The following ZNF160 variants were observed in gnomAD, a reference collection of about 807,000 sequenced individuals.
ZNF160 encodes zinc finger protein 160.
Under a neutral mutation model 13.1 loss-of-function variants are expected in ZNF160, and 9 were observed. That is an observed-to-expected ratio of 0.69 (90% CI 0.41 to 1.20). The LOEUF (loss-of-function observed/expected upper bound fraction) is 1.20, where lower values mean the gene tolerates loss of function less well. Among genes scored for constraint, ZNF160 ranks in the 50% most tolerant of loss-of-function variants. The probability of loss-of-function intolerance (pLI) is 0.01; values close to 1 mark genes in which losing one functional copy is unlikely to be tolerated. For synonymous variants in ZNF160, 293 were observed against 333.2 expected (o/e 0.88, Z 1.31); for missense variants, 838 against 988.0 (o/e 0.85, Z 2.04).
chr19:53,072,375 T>C (rs1272469480), intron 5 of ZNF160, among the ~76,000 whole-genome samples: 2 of 152,188 alleles, frequency 1.3e-5, no homozygotes, highest in Admixed American at 6.5e-5. Flanking sequence ...GCTGGGATTA[T>C]AGGCGTGAGC....
chr19:53,074,669 C>CAAAAA, intron 4 of ZNF160, among the ~76,000 whole-genome samples: 1 of 123,432 alleles, frequency 8.1e-6, no homozygotes, highest in Non-Finnish European at 1.6e-5. Context: ...GACTCCGCCT[C>CAAAAA]AAAAAAAAAA....
At chr19:53,087,464 A>G (rs550680747) in intron 2 of ZNF160, among the ~76,000 whole-genome samples, 3 of 152,328 alleles carry the variant, frequency 2.0e-5, no homozygotes, top group East Asian at 3.9e-4. Context: ...GAGCCCCAGG[A>G]AGTACAGGGT....
At chr19:53,100,757 G>GGCCGAGACAGGT (rs1369959064) in intron 1 of ZNF160, among the ~76,000 whole-genome samples, 2 of 152,214 alleles carry the variant, frequency 1.3e-5, no homozygotes, top group East Asian at 1.9e-4. Flanking sequence ...CACTTTGGGA[G>GGCCGAGACAGGT]GGATCACTTG....
chr19:53,075,101 T>C lies in ZNF160; in HGVS notation c.98A>G (p.Tyr33Cys), dbSNP rs1284423838. The C allele has an allele frequency of 6.2e-7, 1 of 1,614,166 alleles. No homozygotes were observed. Among genetic ancestry groups the C allele is most frequent in the East Asian group, 2.2e-5 (1 of 44,876 alleles). ...GTAGTTCTCCAACATCACGTCCCTG[T>C]ATAAGATCCTCTGAGCAGGGTCCAG... The part of the protein sequence containing the change: ...KCLDPAQRIL[Y>C]RDVMLENYWN... The change falls in exon 4 of 6, where the codon TAC becomes TGC. Residue 33 changes from tyrosine (Y) to cysteine (C), a missense_variant. By Grantham distance (194) the Tyr-to-Cys change is radical. Coordinates refer to ENST00000683776, the MANE Select transcript of ZNF160 (RefSeq NM_001322131.2).
chr19:53,085,973 T>C, intron 3 of ZNF160: 2 of 1,265,964 alleles, frequency 1.6e-6, no homozygotes, highest in Non-Finnish European at 1.1e-6. Flanking sequence ...CCCTGAGCAA[T>C]CCCTGCTGCC....
At chr19:53,085,248 C>G (rs2084787240) in intron 3 of ZNF160, 1 of 982,572 alleles carries the variant, frequency 1.0e-6, no homozygotes, top group Non-Finnish European at 1.2e-6. Flanking sequence ...ATGTTCAAAA[C>G]TTGCAGGTTA....
intron 2 of ZNF160, among the ~76,000 whole-genome samples, chr19:53,088,061 GACTGAGCCATGAGC>G (rs1485399818): frequency 1.3e-5 from 2 of 152,300 alleles, no homozygotes; most frequent in African/African-American, 4.8e-5. Context: ...GAGGTGTAAG[GACTGAGCCATGAGC>G]ACTTGCACAT....
chr19:53,073,942 T>G (rs1375545993), intron 5 of ZNF160, among the ~76,000 whole-genome samples, 198 bp downstream of exon 5: 1 of 152,038 alleles, frequency 6.6e-6, no homozygotes, highest in Non-Finnish European at 1.5e-5. Flanking sequence ...CACGCCACCA[T>G]GCCCGGCTAA....
At chr19:53,078,337 G>C (rs759952837) in intron 3 of ZNF160, among the ~76,000 whole-genome samples, 2 of 152,154 alleles carry the variant, frequency 1.3e-5, no homozygotes, top group Non-Finnish European at 2.9e-5. Context: ...TTGAGCCTAG[G>C]AGGTTGAAGG....
At chr19:53,085,840 G>A in intron 3 of ZNF160, 1 of 498,144 alleles carries the variant, frequency 2.0e-6, no homozygotes, top group Admixed American at 3.4e-5. Flanking sequence ...TACCAATGAG[G>A]CAGGAAAGCT....
Position 53,069,216 on chromosome 19 carries a change from G to C in ZNF160, c.1318C>G (p.Leu440Val), listed in dbSNP as rs780383853. Residue 440 changes from leucine to valine, a missense_variant, in exon 6 of 6, where the codon CTC (leucine) becomes GTC (valine). By Grantham distance (32) the Leu-to-Val change is conservative (BLOSUM62 1). This residue lies in a region of ZNF160 where 400 missense variants were observed against 538.9 expected (regional missense o/e 0.74). Transcript: ENST00000683776. This position sits in a 1 kb window ranked among gnomAD's most constrained non-coding sequence, Gnocchi z 4.4. Reference protein sequence around the residue: ...CGKVFRYNSYLGRHRRVHTGE... With the variant: ...CGKVFRYNSYVGRHRRVHTGE... Reference sequence around the variant, plus strand: ...GTATGAACTCTCCGATGCCTTCCGAGGTATGAATTGTACCTAAAGACTTTG... The same window carrying C: ...GTATGAACTCTCCGATGCCTTCCGACGTATGAATTGTACCTAAAGACTTTG... The C allele has an allele frequency of 9.3e-6, 15 of 1,611,382 alleles. 1 individual carries two copies. The South Asian group carries it at 1.6e-4, about 18-fold the overall frequency.
rs2145866319 is a variant in ZNF160 at position 53,089,108 on chromosome 19, G to A, written c.-46+2305C>T. ...TGGCAAATTACTACAACCTGAGGAG[G>A]GGGGTCAAGTGAATCCCCAATTTAC... On this transcript the variant is annotated intron_variant, in intron 2 of 5. Transcript: ENST00000683776. 2.0e-5 allele frequency among the ~76,000 whole-genome samples: 3 copies of A among 152,292 alleles called. 1 individual carries two copies. The highest frequency in any genetic ancestry group is 2.0e-4 in the Admixed American group (3 of 15,282).
chr19:53,097,472 T>G (rs1399430651), intron 1 of ZNF160, among the ~76,000 whole-genome samples: 3 of 151,384 alleles, frequency 2.0e-5, no homozygotes, highest in African/African-American at 4.9e-5. Flanking sequence ...CCCCAGATAC[T>G]TCATAAAGAT....
At chr19:53,100,401 G>C (rs2085399209) in intron 1 of ZNF160, among the ~76,000 whole-genome samples, 1 of 149,246 alleles carries the variant, frequency 6.7e-6, no homozygotes, top group East Asian at 2.1e-4. Context: ...ACGAGGTCAG[G>C]AGATCGAGAC....
chr19:53,073,127 T>C, intron 5 of ZNF160: 1 of 1,263,928 alleles, frequency 7.9e-7, no homozygotes, highest in Non-Finnish European at 1.0e-6. Flanking sequence ...ATCTCCCTAT[T>C]CCCTCCAGTC....
At position 53,067,329 on chromosome 19, in the gene ZNF160, A is replaced by G. The variant is rs1255443287; in HGVS notation, c.*748T>C. On this transcript the variant is annotated 3_prime_UTR_variant, in exon 6 of 6. Coordinates refer to ENST00000683776, the MANE Select transcript of ZNF160 (RefSeq NM_001322131.2). ...CCACAGTACTCTCCTGGTAGGAGAA[A>G]GGCACCCTGAACATTATCAGAATGG... 1 of 152,212 alleles carries G rather than the reference A, an allele frequency of 6.6e-6. No homozygotes were observed. Among genetic ancestry groups the G allele is most frequent in the Non-Finnish European group, 1.5e-5 (1 of 68,054 alleles). The allele number at this position is 152,212 out of a possible 1,614,324, so 9.4% of individuals were successfully genotyped here.
At chr19:53,070,896 A>T (rs1404804799) in intron 5 of ZNF160, among the ~76,000 whole-genome samples, 6 of 152,022 alleles carry the variant, frequency 3.9e-5, no homozygotes, top group African/African-American at 1.2e-4. Flanking sequence ...CTCTACAAAA[A>T]CAAAATAATT....
At chr19:53,075,317 G>T in intron 3 of ZNF160, 134 bp from the exon 4 acceptor site, 1 of 1,171,342 alleles carries the variant, frequency 8.5e-7, no homozygotes, top group Non-Finnish European at 1.2e-6. Context: ...TTGTGACAAT[G>T]TGACATACAG....
chr19:53,094,436 G>A (rs1187535250), intron 1 of ZNF160, among the ~76,000 whole-genome samples: 1 of 152,048 alleles, frequency 6.6e-6, no homozygotes, highest in African/African-American at 2.4e-5. Flanking sequence ...TTAATTAAAC[G>A]GTTCTAATTG....
Sources: gnomAD v4.1 joint callset for allele counts (sites outside exome capture counted in the v4.1 genomes callset) on GRCh38, gnomAD v4.1.1 for gene constraint, gnomAD v4.1.1 regional missense constraint, Gnocchi (gnomAD v3.1) non-coding constraint, MANE v1.5 for transcripts, NCBI Gene and HGNC (gene_info 2026-07-23, HGNC 2026-07-21) for gene names.